The following SH2B1 variants were observed in gnomAD, a reference collection of about 807,000 sequenced individuals.
SH2B1 encodes the protein SH2B adapter protein 1.
SH2B1 carries 15 observed loss-of-function variants against 62.6 expected under a neutral mutation model. The observed-to-expected ratio is 0.24, with a 90% confidence interval of 0.16 to 0.37. The LOEUF is 0.37. SH2B1 is among the 10% of genes least tolerant of loss of function. The probability of loss-of-function intolerance (pLI) is 1.00; values close to 1 mark genes in which losing one functional copy is unlikely to be tolerated. For synonymous variants in SH2B1, 443 were observed against 438.0 expected, an observed-to-expected ratio of 1.01 and a Z score of -0.14; for missense variants, 925 against 1,015.6, an observed-to-expected ratio of 0.91 and a Z score of 1.21.
intron 1 of SH2B1, among the ~76,000 whole-genome samples, chr16:28,853,044 AT>A (rs1357807243): frequency 1.2e-5 from 1 of 85,298 alleles, no homozygotes; most frequent in Non-Finnish European, 2.1e-5. Context: ...GTACATATAT[AT>A]TTATATATGT....
chr16:28,872,026 T>C lies in SH2B1; in HGVS notation c.1513+43T>C. ...GTGCATGTCTCCAGGCCTGGGTGCC[T>C]ACCTTCCTGACCACCTCTCCTGGGA... is the stretch of plus-strand genomic sequence containing the variant. On this transcript the variant is annotated intron_variant, in intron 5 of 7. Transcript: ENST00000684370. This position sits in a 1 kb window ranked among gnomAD's most constrained non-coding sequence, Gnocchi z 5.3. The C allele has an allele frequency of 7.3e-7, 1 of 1,376,554 alleles. No individual in the cohort carries two copies. Among genetic ancestry groups the C allele is most frequent in the African/African-American group, 1.4e-5 (1 of 70,212 alleles). The allele number at this position is 1,376,554 out of a possible 1,614,324, so 85.3% of individuals were successfully genotyped here.
intron 1 of SH2B1, among the ~76,000 whole-genome samples, chr16:28,853,015 TATATATGTACATATATATGTAC>T (rs1962224034): frequency 2.9e-5 from 1 of 34,412 alleles, no homozygotes; most frequent in African/African-American, 1.5e-4. Flanking sequence ...CATATATATT[TATATATGTACATATATATGTAC>T]ATATATATTT....
chr16:28,863,748 G>A (rs1476110079), upstream of SH2B1: 2 of 1,535,760 alleles, frequency 1.3e-6, no homozygotes, highest in Non-Finnish European at 8.7e-7. Flanking sequence ...GTGGGAGGAT[G>A]GCGGAAGTAA....
intron 1 of SH2B1, among the ~76,000 whole-genome samples, chr16:28,848,444 A>G (rs1472279624): frequency 5.3e-5 from 8 of 152,148 alleles, no homozygotes; most frequent in Non-Finnish European, 1.0e-4. Context: ...TCTCCAAAAA[A>G]AAAAATTTTT....
In SH2B1 at chr16:28,864,625, G is replaced by A. The variant is rs560989511; in HGVS notation, c.-1470G>A. On this transcript the variant is annotated 5_prime_UTR_variant, in exon 1 of 8. Coordinates refer to ENST00000684370, the MANE Select transcript of SH2B1 (RefSeq NM_001387430.1). ...GGAGTCTGAGGTCGCTGAGGGTTTG[G>A]GGAGGCTTTCCTGAGCTGCTCTGGC... 1 of 985,526 alleles carries A rather than the reference G, an allele frequency of 1.0e-6. No homozygotes were observed. 61.0% of individuals were successfully genotyped at this position (985,526 alleles called of 1,614,324 possible).
chr16:28,855,703 G>C (rs766519690), intron 1 of SH2B1, among the ~76,000 whole-genome samples: 2 of 149,900 alleles, frequency 1.3e-5, no homozygotes, highest in African/African-American at 4.9e-5. Flanking sequence ...GCAGTGGAGC[G>C]ATCTCCGCTC....
chr16:28,853,165 A>AAT (rs553901188), intron 1 of SH2B1, among the ~76,000 whole-genome samples: 4 of 134,208 alleles, frequency 3.0e-5, no homozygotes, highest in South Asian at 2.2e-4. Context: ...TGTATATATA[A>AAT]ATATATATAT....
chr16:28,866,669 C>T lies in SH2B1; in HGVS notation c.575C>T (p.Pro192Leu). The change falls in exon 1 of 8, where the codon CCA (proline) becomes CTA (leucine). Residue 192 changes from proline (P) to leucine (L), a missense_variant. Physicochemically the swap from Pro to Leu is moderately conservative, Grantham distance 98 (BLOSUM62 -3). Around this residue, in one of 3 missense-constraint regions of SH2B1, gnomAD observed 683 missense variants for 704.0 expected, o/e 0.97. Coordinates refer to ENST00000684370, the MANE Select transcript of SH2B1 (RefSeq NM_001387430.1). This position sits in a 1 kb window ranked among gnomAD's most constrained non-coding sequence, Gnocchi z 6.3. The stretch of plus-strand genomic sequence containing the variant: ...CCCCTGGAGACCTCGTCAGGCCCCC[C>T]AGTCTTAGGTGGAAACAGCAACTCC... ...AGPLETSSGPPVLGGNSNSNS... is the reference protein window; with the variant it reads ...AGPLETSSGPLVLGGNSNSNS... 1 of 1,608,908 alleles carries T rather than the reference C, an allele frequency of 6.2e-7. No individual in the cohort carries two copies. The highest frequency in any genetic ancestry group is 8.5e-7 in the Non-Finnish European group (1 of 1,177,160).
chr16:28,871,782 G>T lies in SH2B1; in HGVS notation c.1312G>T (p.Ala438Ser). Reference sequence around the variant, plus strand: ...AGCTTTGCCCTTTTTTTTTCCAGGGGCATATGGGGGCCTCTCAGACCGCCC... The same window carrying T: ...AGCTTTGCCCTTTTTTTTTCCAGGGTCATATGGGGGCCTCTCAGACCGCCC... ...SESNDRLSQGAYGGLSDRPSA... is the reference protein window; with the variant it reads ...SESNDRLSQGSYGGLSDRPSA... The change falls in exon 5 of 8, where the codon GCA becomes TCA. Residue 438 changes from alanine to serine, a missense_variant and splice_region_variant. Coordinates refer to ENST00000684370, the MANE Select transcript of SH2B1 (RefSeq NM_001387430.1). 1 of 1,612,180 alleles carries T rather than the reference G, an allele frequency of 6.2e-7. No individual in the cohort carries two copies. Among genetic ancestry groups the T allele is most frequent in the Non-Finnish European group, 8.5e-7 (1 of 1,179,116 alleles).
rs908044370 is a variant in SH2B1 at position 28,866,540 on chromosome 16, T to C, written c.446T>C (p.Leu149Pro). The change falls in exon 1 of 8, where the codon CTC becomes CCC. Residue 149 changes from leucine to proline, a missense_variant. Coordinates refer to ENST00000684370, the MANE Select transcript of SH2B1 (RefSeq NM_001387430.1). This position sits in a 1 kb window ranked among gnomAD's most constrained non-coding sequence, Gnocchi z 6.3. ...SSSTTSSKPK[L>P]KKRFSLRSVG... is the part of the protein sequence containing the mutation. ...TCTACAACCTCCTCCAAGCCGAAGCTCAAGAAGCGCTTTTCCCTGCGTTCA... is the reference window on the plus strand; with the variant it reads ...TCTACAACCTCCTCCAAGCCGAAGCCCAAGAAGCGCTTTTCCCTGCGTTCA... 3.1e-6 allele frequency: 5 copies of C among 1,613,780 alleles called. No individual in the cohort carries two copies. The African/African-American group carries it at 5.3e-5, about 17-fold the overall frequency.
At chr16:28,863,474 CG>C (rs989238363), upstream of SH2B1, 2 of 545,892 alleles carry the variant, frequency 3.7e-6, no homozygotes, top group African/African-American at 3.9e-5. Flanking sequence ...TGCAGCGGGC[CG>C]TTCACACAGC....
rs1206443497 is a variant in SH2B1 at position 28,864,242 on chromosome 16, A to G, written c.-1853A>G. On this transcript the variant is annotated 5_prime_UTR_variant, in exon 1 of 8. Coordinates refer to ENST00000684370, the MANE Select transcript of SH2B1 (RefSeq NM_001387430.1). ...CCCTCCACCTCCCGCCCTTCGGGAA[A>G]TATCAGAACTGAGCCAGGAGGCAGG... The G allele has an allele frequency of 4.9e-6, 5 of 1,015,150 alleles. No homozygotes were observed. In the African/African-American group the frequency reaches 6.9e-5, roughly 14 times the overall value. 62.9% of individuals were successfully genotyped at this position (1,015,150 alleles called of 1,614,324 possible). A position where few individuals can be genotyped will look rare whatever the true frequency, so the allele number is the denominator to read the frequency against.
Position 28,873,319 on chromosome 16 carries a change from T to TG in SH2B1, c.1898-122dup. On this transcript the variant is annotated intron_variant, in intron 7 of 7. Transcript: ENST00000684370. The surrounding 1 kb of genome is among the most constrained non-coding windows in gnomAD (Gnocchi z 4.2). ...CCGCCCATGATCCATCTTCCATGGA[T>TG]GGGGGGTTGCTCAGGAGATGGGATG... is the stretch of plus-strand genomic sequence containing the variant. The TG allele has an allele frequency of 6.3e-7, 1 of 1,595,116 alleles. No homozygotes were observed.
intron 1 of SH2B1, among the ~76,000 whole-genome samples, chr16:28,851,940 A>T (rs1962107882): frequency 6.7e-6 from 1 of 149,466 alleles, no homozygotes; most frequent in South Asian, 2.1e-4. Flanking sequence ...GGTGGTGCGC[A>T]CCTGTGGTCC....
At chr16:28,854,769 CAAT>C (rs749746058) in intron 1 of SH2B1, among the ~76,000 whole-genome samples, 22 of 152,078 alleles carry the variant, frequency 1.4e-4, no homozygotes, top group Non-Finnish European at 3.1e-4. Context: ...ATAATAACGA[CAAT>C]AATAATAAAA....
upstream of SH2B1, among the ~76,000 whole-genome samples, chr16:28,860,247 G>C (rs1353570544): frequency 6.9e-6 from 1 of 143,942 alleles, no homozygotes; most frequent in Non-Finnish European, 1.5e-5. Flanking sequence ...CCCACTTCTT[G>C]AATTTTTTTT....
Position 28,866,993 on chromosome 16 carries a change from G to T in SH2B1, c.899G>T (p.Gly300Val). Residue 300 changes from glycine to valine, a missense_variant, in exon 1 of 8, where the codon GGA becomes GTA. Physicochemically the swap from Gly to Val is moderately radical, Grantham distance 109. Coordinates refer to ENST00000684370, the MANE Select transcript of SH2B1 (RefSeq NM_001387430.1). The surrounding 1 kb of genome is among the most constrained non-coding windows in gnomAD (Gnocchi z 6.3). ...CTGCTGCTTCGAAGTGAAGGAGAAG[G>T]AGGAGGAGGAAGTCGCCTGGAGTTC... ...CRLLLRSEGEGGGGSRLEFFV... is the reference protein window; with the variant it reads ...CRLLLRSEGEVGGGSRLEFFV... 6.2e-7 allele frequency: 1 copy of T among 1,602,786 alleles called. No individual in the cohort carries two copies.
rs866107892 is a variant in SH2B1, at chr16:28,852,726, A to T, written c.-301+5899A>T. 1.1e-4 allele frequency among the ~76,000 whole-genome samples: 7 copies of T among 64,256 alleles called. 1 individual carries two copies. The highest frequency in any genetic ancestry group is 7.8e-5 in the Non-Finnish European group (3 of 38,344). The allele number at this position is 64,256 out of a possible 152,430, so 42.2% of individuals were successfully genotyped here. A position where few individuals can be genotyped will look rare whatever the true frequency, so the allele number is the denominator to read the frequency against. ...TACATATATATTTACATATATATTTATATATATACATATATATATTTACAT... is the reference window on the plus strand; with the variant it reads ...TACATATATATTTACATATATATTTTTATATATACATATATATATTTACAT... On this transcript the variant is annotated intron_variant, in intron 1 of 10. Coordinates refer to the SH2B1 transcript ENST00000322610.
Position 28,852,809 on chromosome 16 carries a change from C to CATATATTTTTAT in SH2B1, c.-301+5990_-301+5991insTTATATATATTT, listed in dbSNP as rs1567459235. On this transcript the variant is annotated intron_variant, in intron 1 of 10. Transcript: ENST00000322610. ...ACATATATATTTACATATATATTTA[C>CATATATTTTTAT]ATATATTTACATATATATTTATATA... 1.5e-3 allele frequency among the ~76,000 whole-genome samples: 59 copies of CATATATTTTTAT among 39,494 alleles called. 12 individuals are homozygous for CATATATTTTTAT. Among genetic ancestry groups the CATATATTTTTAT allele is most frequent in the African/African-American group, 5.5e-3 (54 of 9,830 alleles). 25.9% of individuals were successfully genotyped at this position (39,494 alleles called of 152,430 possible).
Sources: allele counts gnomAD v4.1 joint callset (sites outside exome capture counted in the v4.1 genomes callset), GRCh38; gene constraint gnomAD v4.1.1; regional missense constraint gnomAD v4.1.1; non-coding constraint Gnocchi (gnomAD v3.1); transcripts MANE v1.5; gene names NCBI Gene and HGNC (gene_info 2026-07-23, HGNC 2026-07-21).